CEP95: variants seen among roughly 807,000 people sequenced by gnomAD.
CEP95 encodes centrosomal protein 95.
Under a neutral mutation model 111.2 loss-of-function variants are expected in CEP95, and 98 were observed. The observed-to-expected ratio is 0.88, with a 90% CI of 0.75 to 1.04. CEP95 has a LOEUF of 1.04. CEP95 is among the 50% of genes least tolerant of loss of function. The pLI, the probability that CEP95 is intolerant of heterozygous loss-of-function variation, is 0.00. For synonymous variants in CEP95, 323 were observed against 327.1 expected (o/e 0.99, Z 0.14); for missense variants, 1,027 against 977.2 (o/e 1.05, Z -0.68).
chr17:64,529,421 A>G lies in CEP95; in HGVS notation c.1440A>G (p.Gln480=). The change falls in exon 12 of 20, where the codon CAA becomes CAG. Residue 480 remains glutamine (Q), a synonymous_variant. Transcript: ENST00000556440. ...KPRETDVRQF[Q]AQAFTEAFER... ...GAGAAACAGATGTCCGCCAATTCCA[A>G]GCACAGGTTCTTCCCCATCTCTTGA... 1.2e-6 allele frequency: 2 copies of G among 1,613,722 alleles called. No individual in the cohort carries two copies. The highest frequency in any genetic ancestry group is 1.7e-6 in the Non-Finnish European group (2 of 1,179,738).
At chr17:64,508,503 TG>T in intron 1 of CEP95, 88 bp from the exon 2 acceptor site, 7 of 1,226,352 alleles carry the variant, frequency 5.7e-6, no homozygotes, top group African/African-American at 1.6e-5. Flanking sequence ...CTGTTTTTGT[TG>T]GGGGGGAGGT....
rs973296060 is a variant in CEP95, at chr17:64,508,057, C to T, written c.20-535C>T. 1.5e-5 allele frequency: 15 copies of T among 985,144 alleles called. No individual in the cohort carries two copies. In the African/African-American group the frequency reaches 1.6e-4, roughly 10 times the overall value. 61.0% of individuals were successfully genotyped at this position (985,144 alleles called of 1,614,324 possible). On this transcript the variant is annotated intron_variant, in intron 1 of 19. Transcript: ENST00000556440. ...AAAGAAAAACTAACAAATGCATTAC[C>T]GTTGATGTTGTTATTATACCAGTTC...
At chr17:64,529,200 C>T (rs1196005521) in intron 11 of CEP95, 88 bp from the exon 12 acceptor site, 2 of 1,228,556 alleles carry the variant, frequency 1.6e-6, no homozygotes, top group African/African-American at 3.0e-5. Flanking sequence ...TCATCAGTCT[C>T]TTTGGATTTA....
chr17:64,532,353 G>A, intron 14 of CEP95: 5 of 1,091,210 alleles, frequency 4.6e-6, no homozygotes, highest in Non-Finnish European at 5.6e-6. Flanking sequence ...GATGCTCCAA[G>A]GCAAGCAGAT....
chr17:64,533,203 G>A lies in CEP95; in HGVS notation c.1917+12G>A. ...ATAACAAGAGACTGGTATGTCAAGA[G>A]CAAGTTGGGTATTATAATTCTGAAT... On this transcript the variant is annotated intron_variant, in intron 16 of 19. Coordinates refer to ENST00000556440, the MANE Select transcript of CEP95 (RefSeq NM_138363.3). 2 of 1,571,658 alleles carry A rather than the reference G, an allele frequency of 1.3e-6. No homozygotes were observed. Among genetic ancestry groups the A allele is most frequent in the Non-Finnish European group, 1.7e-6 (2 of 1,163,480 alleles).
chr17:64,525,596 C>T (rs1406822644), intron 8 of CEP95, among the ~76,000 whole-genome samples, 174 bp from the exon 9 acceptor site: 1 of 152,210 alleles, frequency 6.6e-6, no homozygotes. Context: ...CTAGACATTG[C>T]TCCAGTCCTT....
rs572488187 is a variant in CEP95 at position 64,534,711 on chromosome 17, A to G, written c.2044A>G (p.Met682Val). 7.4e-6 allele frequency: 12 copies of G among 1,612,792 alleles called. No individual in the cohort carries two copies. In the East Asian group the frequency reaches 2.0e-4, roughly 27 times the overall value. Residue 682 changes from methionine (M) to valine (V), a missense_variant, in exon 17 of 20, where the codon ATG becomes GTG. Physicochemically the swap from Met to Val is conservative, Grantham distance 21. Coordinates refer to ENST00000556440, the MANE Select transcript of CEP95 (RefSeq NM_138363.3). Reference sequence around the variant, plus strand: ...TAGAGTTCAGTTGTGTGCAAAAATGATGAGAATGAGGACCCGGGAAGAAAT... The same window carrying G: ...TAGAGTTCAGTTGTGTGCAAAAATGGTGAGAATGAGGACCCGGGAAGAAAT... The part of the protein sequence containing the change: ...DYRVQLCAKM[M>V]RMRTREEMIF...
At chr17:64,507,477 C>T (rs1350364922) in intron 1 of CEP95, 12 of 1,252,576 alleles carry the variant, frequency 9.6e-6, no homozygotes, top group South Asian at 2.1e-5. Context: ...TGAGGTCGTA[C>T]CTGCTTTTGT....
Position 64,525,809 on chromosome 17 carries a change from A to G in CEP95, c.949A>G (p.Lys317Glu), listed in dbSNP as rs373744652. ...DGLFLISKLP[K>E]GSKWEVYPAQ... ...ACTTTTCTTAATTTCCAAGTTGCCT[A>G]AAGGCAGCAAATGGGAAGTATATCC... The change falls in exon 9 of 20, where the codon AAA (lysine) becomes GAA (glutamate). Residue 317 changes from lysine (K) to glutamate (E), a missense_variant. Coordinates refer to ENST00000556440, the MANE Select transcript of CEP95 (RefSeq NM_138363.3). 24 of 1,606,550 alleles carry G rather than the reference A, an allele frequency of 1.5e-5. No homozygotes were observed. Among genetic ancestry groups the G allele is most frequent in the Non-Finnish European group, 1.7e-5 (20 of 1,177,676 alleles).
intron 1 of CEP95, chr17:64,507,567 G>T: frequency 9.7e-7 from 1 of 1,032,392 alleles, no homozygotes; most frequent in Non-Finnish European, 1.2e-6. Flanking sequence ...TAGAATAGTT[G>T]TGCTTTTTTC....
intron 1 of CEP95, chr17:64,507,865 A>G (rs1302072242): frequency 3.0e-6 from 3 of 985,366 alleles, no homozygotes; most frequent in Admixed American, 6.1e-5. Flanking sequence ...TCAAGGAACA[A>G]GTATTTTAAG....
At chr17:64,532,690 G>A in intron 14 of CEP95, 149 bp from the exon 15 acceptor site, 1 of 1,439,340 alleles carries the variant, frequency 6.9e-7, no homozygotes, top group Non-Finnish European at 9.1e-7. Context: ...TCCAATCAGA[G>A]GAGTAATGCA....
intron 8 of CEP95, among the ~76,000 whole-genome samples, chr17:64,523,185 C>T (rs1964762370): frequency 6.6e-6 from 1 of 152,132 alleles, no homozygotes; most frequent in Admixed American, 6.5e-5. Flanking sequence ...TAAGAGCCAA[C>T]ACATAGTGAA....
chr17:64,525,293 T>A (rs1313695376), intron 8 of CEP95, among the ~76,000 whole-genome samples: 1 of 151,944 alleles, frequency 6.6e-6, no homozygotes, highest in Non-Finnish European at 1.5e-5. Flanking sequence ...GCCATTGCAC[T>A]CCAGCCTAGG....
intron 5 of CEP95, among the ~76,000 whole-genome samples, 189 bp from the exon 6 acceptor site, chr17:64,519,132 C>T (rs554768438): frequency 1.6e-4 from 25 of 152,332 alleles, no homozygotes; most frequent in Non-Finnish European, 3.4e-4. Context: ...TACATTTAAT[C>T]GTTGACACTT....
chr17:64,526,328 C>A, intron 10 of CEP95, 128 bp downstream of exon 10: 1 of 915,170 alleles, frequency 1.1e-6, no homozygotes, highest in Non-Finnish European at 1.6e-6. Context: ...TGAAAATGTT[C>A]CGTAAGTCAA....
rs2038716474 is a variant in CEP95 at position 64,508,656 on chromosome 17, T to TC, written c.85dup (p.Gln29ProfsTer4). The TC allele has an allele frequency of 2.0e-6, 3 of 1,469,074 alleles. No individual in the cohort carries two copies. Among genetic ancestry groups the TC allele is most frequent in the Non-Finnish European group, 2.7e-6 (3 of 1,101,644 alleles). The allele number at this position is 1,469,074 out of a possible 1,614,324, so 91.0% of individuals were successfully genotyped here. A position where few individuals can be genotyped will look rare whatever the true frequency, so the allele number is the denominator to read the frequency against. On this transcript the variant is annotated frameshift_variant, in exon 2 of 20. Transcript: ENST00000556440. LOFTEE classifies it high-confidence loss of function. ...ATATACATCTGAGAATACATGAACT[T>TC]CAAGACTGTGATGCTAATGTTTTTA...
In CEP95 at chr17:64,531,964, A is replaced by G; in HGVS notation, c.1614A>G (p.Arg538=). 1 of 1,611,548 alleles carries G rather than the reference A, an allele frequency of 6.2e-7. No individual in the cohort carries two copies. The highest frequency in any genetic ancestry group is 1.3e-5 in the African/African-American group (1 of 74,848). ...ECSQPWKIYS[R]KTTTQSLRGG... Reference sequence around the variant, plus strand: ...GTCAGCCCTGGAAGATTTACTCTAGAAAAACCACAACGCAGAGTCTAAGAG... The same window carrying G: ...GTCAGCCCTGGAAGATTTACTCTAGGAAAACCACAACGCAGAGTCTAAGAG... The change falls in exon 14 of 20, where the codon AGA becomes AGG. Residue 538 remains arginine, a synonymous_variant. Coordinates refer to ENST00000556440, the MANE Select transcript of CEP95 (RefSeq NM_138363.3).
chr17:64,524,048 C>G (rs140309559), intron 8 of CEP95, among the ~76,000 whole-genome samples: 100 of 152,198 alleles, frequency 6.6e-4, no homozygotes, highest in African/African-American at 2.3e-3. Flanking sequence ...ACCACATTCT[C>G]AACATTCTGT....
Sources: gnomAD v4.1 joint callset for allele counts (sites outside exome capture counted in the v4.1 genomes callset) on GRCh38, gnomAD v4.1.1 for gene constraint, MANE v1.5 for transcripts, NCBI Gene and HGNC (gene_info 2026-07-23, HGNC 2026-07-21) for gene names.